SWAP70: variants seen among roughly 807,000 people sequenced by gnomAD.
The protein encoded by SWAP70 is switch-associated protein 70.
A neutral mutation model predicts 80.2 loss-of-function variants in SWAP70; 34 were observed. The ratio of observed to expected loss-of-function variants is 0.42; its 90% CI spans 0.32 to 0.56. The LOEUF (loss-of-function observed/expected upper bound fraction) is 0.56. Among genes scored for constraint, SWAP70 ranks in the 20% least tolerant of loss-of-function variants. SWAP70 has a pLI of 0.09. For missense variants in SWAP70, 578 were observed against 690.7 expected, an observed-to-expected ratio of 0.84 and a Z score of 1.83; for synonymous variants, 239 against 238.5, an observed-to-expected ratio of 1.00 and a Z score of -0.02.
At chr11:9,676,324 G>T (rs896595753) in intron 1 of SWAP70, among the ~76,000 whole-genome samples, 5 of 152,122 alleles carry the variant, frequency 3.3e-5, no homozygotes, top group Admixed American at 1.3e-4. Flanking sequence ...TGAATTCAAC[G>T]TTAGACATTT....
At chr11:9,718,810 A>G (rs1033823491) in intron 3 of SWAP70, among the ~76,000 whole-genome samples, 1 of 152,140 alleles carries the variant, frequency 6.6e-6, no homozygotes, top group African/African-American at 2.4e-5. Flanking sequence ...AATTAATACA[A>G]TGTAAAATAT....
At chr11:9,695,391 C>G (rs572253918) in intron 2 of SWAP70, among the ~76,000 whole-genome samples, 22 of 152,146 alleles carry the variant, frequency 1.4e-4, no homozygotes, top group African/African-American at 4.8e-4. Flanking sequence ...CAATGATAGC[C>G]TGGATAAAGA....
intron 2 of SWAP70, among the ~76,000 whole-genome samples, chr11:9,712,968 A>G (rs1851018361): frequency 6.6e-6 from 1 of 152,168 alleles, no homozygotes; most frequent in Admixed American, 6.5e-5. Context: ...GAGTGCTGGG[A>G]TTACAGGCAT....
At chr11:9,688,302 G>A (rs1205033385) in intron 1 of SWAP70, among the ~76,000 whole-genome samples, 1 of 152,224 alleles carries the variant, frequency 6.6e-6, no homozygotes, top group East Asian at 1.9e-4. Flanking sequence ...TTACAGGAGA[G>A]AGAAATCATG....
At chr11:9,686,367 A>ATTTATTTG (rs1850632726) in intron 1 of SWAP70, among the ~76,000 whole-genome samples, 1 of 150,384 alleles carries the variant, frequency 6.6e-6, no homozygotes, top group African/African-American at 2.4e-5. Flanking sequence ...TTATTTATTT[A>ATTTATTTG]TTTATTTTTG....
At chr11:9,738,907 T>G (rs1253966628) in intron 8 of SWAP70, among the ~76,000 whole-genome samples, 1 of 152,046 alleles carries the variant, frequency 6.6e-6, no homozygotes, top group Non-Finnish European at 1.5e-5. Context: ...GATAAATGCT[T>G]GGTTAGGGTG....
At chr11:9,679,646 TTTTA>T (rs1368957042) in intron 1 of SWAP70, among the ~76,000 whole-genome samples, 1 of 152,054 alleles carries the variant, frequency 6.6e-6, no homozygotes, top group Non-Finnish European at 1.5e-5. Context: ...TTCCTTTGCT[TTTTA>T]TTTTTTATAT....
chr11:9,720,144 T>C (rs1851116460), intron 3 of SWAP70: 1 of 985,226 alleles, frequency 1.0e-6, no homozygotes, highest in Non-Finnish European at 1.2e-6. Flanking sequence ...TGGAGAATGG[T>C]AATGTTTGTC....
In SWAP70 at chr11:9,679,911, T is replaced by C. The variant is rs141144076; in HGVS notation, c.100-14235T>C. On this transcript the variant is annotated intron_variant, in intron 1 of 11. Coordinates refer to ENST00000318950, the MANE Select transcript of SWAP70 (RefSeq NM_015055.4). Reference sequence around the variant, plus strand: ...GTCTTGATCTCCTGACCTTGTGATCTGCCTGCCTCAGCCTTCCAGAGTGCT... The same window carrying C: ...GTCTTGATCTCCTGACCTTGTGATCCGCCTGCCTCAGCCTTCCAGAGTGCT... Among the ~76,000 whole-genome samples the C allele has an allele frequency of 3.7e-3, 557 of 152,296 alleles. 1 individual carries two copies. Among genetic ancestry groups the C allele is most frequent in the African/African-American group, 0.012 (494 of 41,556 alleles).
chr11:9,725,561 ATATATATATT>A lies in SWAP70; in HGVS notation c.642+678_642+687del, dbSNP rs1297972033. On this transcript the variant is annotated intron_variant, in intron 4 of 11. Coordinates refer to ENST00000318950, the MANE Select transcript of SWAP70 (RefSeq NM_015055.4). ...TATATATATATATATATATATATAT[ATATATATATT>A]TTTTTTTTTTTTTTTTTCCAAGACG... 3.7e-3 allele frequency among the ~76,000 whole-genome samples: 59 copies of A among 16,104 alleles called. 1 individual carries two copies. The highest frequency in any genetic ancestry group is 0.014 in the African/African-American group (50 of 3,502). 10.6% of individuals were successfully genotyped at this position (16,104 alleles called of 152,430 possible). A position where few individuals can be genotyped will look rare whatever the true frequency, so the allele number is the denominator to read the frequency against.
chr11:9,700,186 T>G (rs11042472), intron 2 of SWAP70, among the ~76,000 whole-genome samples: 15,647 of 152,058 alleles, frequency 0.1, 1,571 homozygotes, highest in African/African-American at 0.26. Flanking sequence ...GGAGGAAATA[T>G]AGTAGTGTTT....
At chr11:9,721,108 G>A (rs1357569419) in intron 3 of SWAP70, among the ~76,000 whole-genome samples, 2 of 152,132 alleles carry the variant, frequency 1.3e-5, no homozygotes, top group African/African-American at 2.4e-5. Flanking sequence ...GAGCCACCAC[G>A]CCTGGCGTTC....
chr11:9,739,983 C>T (rs1399155881), intron 8 of SWAP70, among the ~76,000 whole-genome samples, 198 bp from the exon 9 acceptor site: 1 of 152,170 alleles, frequency 6.6e-6, no homozygotes, highest in Non-Finnish European at 1.5e-5. Flanking sequence ...ATAATTTGCT[C>T]TTCCCAGACT....
At position 9,752,882 on chromosome 11, in the gene SWAP70, C is replaced by T. The variant is rs1209117264; in HGVS notation, c.*2912C>T. 2.0e-5 allele frequency: 3 copies of T among 152,004 alleles called. No individual in the cohort carries two copies. The highest frequency in any genetic ancestry group is 7.2e-5 in the African/African-American group (3 of 41,384). 9.4% of individuals were successfully genotyped at this position (152,004 alleles called of 1,614,324 possible). On this transcript the variant is annotated 3_prime_UTR_variant, in exon 12 of 12. Coordinates refer to ENST00000318950, the MANE Select transcript of SWAP70 (RefSeq NM_015055.4). ...ATTTTTTGCTAATTTTTCTAAGATA[C>T]ATTAAAAATGTTTTATATTTTTTTT...
chr11:9,676,876 G>A (rs1346469141), intron 1 of SWAP70, among the ~76,000 whole-genome samples: 7 of 151,654 alleles, frequency 4.6e-5, no homozygotes, highest in African/African-American at 1.5e-4. Context: ...GATGGTCTTG[G>A]TCTCCTGACC....
chr11:9,701,618 TA>T (rs35536132), intron 2 of SWAP70, among the ~76,000 whole-genome samples: 62 of 138,860 alleles, frequency 4.5e-4, no homozygotes, highest in Middle Eastern at 3.8e-3. Flanking sequence ...CCTTGTCTGT[TA>T]AAAAAAAAAA....
intron 2 of SWAP70, among the ~76,000 whole-genome samples, chr11:9,696,983 GA>G (rs1419496009): frequency 1.3e-5 from 2 of 152,108 alleles, no homozygotes; most frequent in Non-Finnish European, 2.9e-5. Context: ...ATGCTGAGGT[GA>G]GAGGATTGTT....
chr11:9,683,486 AG>A (rs1850593722), intron 1 of SWAP70, among the ~76,000 whole-genome samples: 1 of 152,130 alleles, frequency 6.6e-6, no homozygotes, highest in Non-Finnish European at 1.5e-5. Flanking sequence ...GTCTAAGAGG[AG>A]GGGGTGATTC....
At chr11:9,672,195 C>CTATGTGTA (rs530619499) in intron 1 of SWAP70, among the ~76,000 whole-genome samples, 22 of 78,418 alleles carry the variant, frequency 2.8e-4, no homozygotes, top group African/African-American at 8.8e-4. Flanking sequence ...ATGTGTGTGT[C>CTATGTGTA]TATATATATA....
Sources: allele counts gnomAD v4.1 joint callset (sites outside exome capture counted in the v4.1 genomes callset), GRCh38; gene constraint gnomAD v4.1.1; transcripts MANE v1.5; gene names NCBI Gene and HGNC (gene_info 2026-07-23, HGNC 2026-07-21).